ELP4: variants seen among roughly 807,000 people sequenced by gnomAD.
ELP4 encodes the protein elongator acetyltransferase complex subunit 4.
Under a neutral mutation model 48.9 loss-of-function variants are expected in ELP4, and 51 were observed. The observed-to-expected ratio is 1.04, with a 90% CI of 0.83 to 1.32. ELP4 has a LOEUF of 1.32. Among genes scored for constraint, ELP4 ranks in the 40% most tolerant of loss-of-function variants. ELP4 has a pLI of 0.00. For missense variants in ELP4, 519 were observed against 514.6 expected, an observed-to-expected ratio of 1.01 and a Z score of -0.08; for synonymous variants, 210 against 189.2, an observed-to-expected ratio of 1.11 and a Z score of -0.90.
chr11:31,692,525 G>T (rs554036885), intron 9 of ELP4, among the ~76,000 whole-genome samples: 1 of 152,152 alleles, frequency 6.6e-6, no homozygotes, highest in East Asian at 1.9e-4. Context: ...TTTTTCATTT[G>T]CAAGGGCACA....
chr11:31,732,424 T>G (rs1947211755), intron 9 of ELP4, among the ~76,000 whole-genome samples: 1 of 150,110 alleles, frequency 6.7e-6, no homozygotes, highest in Non-Finnish European at 1.5e-5. Context: ...GAAAATACCT[T>G]TAGAAGATAC....
At chr11:31,553,108 C>T (rs1033783798) in intron 3 of ELP4, among the ~76,000 whole-genome samples, 5 of 152,188 alleles carry the variant, frequency 3.3e-5, no homozygotes, top group Non-Finnish European at 7.3e-5. Context: ...TTCTCCATAA[C>T]CTTACTGTCA....
intron 4 of ELP4, chr11:31,598,986 C>T (rs1158982415): frequency 1.3e-5 from 2 of 152,124 alleles, no homozygotes; most frequent in Non-Finnish European, 2.9e-5. Context: ...TCTGTATCAT[C>T]TTCTTTCACA....
chr11:31,550,387 A>G (rs1030561220), intron 3 of ELP4, among the ~76,000 whole-genome samples: 1 of 152,160 alleles, frequency 6.6e-6, no homozygotes, highest in Non-Finnish European at 1.5e-5. Flanking sequence ...AGGGACTTCA[A>G]AAAGTTTGTG....
At chr11:31,681,890 A>G (rs1046070890) in intron 9 of ELP4, 25 of 283,488 alleles carry the variant, frequency 8.8e-5, no homozygotes, top group South Asian at 3.4e-4. Flanking sequence ...ACAGGCGCCC[A>G]CCACCACACC....
Position 31,789,230 on chromosome 11 carries a change from A to T in ELP4, c.*5706A>T. 4.7e-6 allele frequency: 1 copy of T among 212,016 alleles called. No individual in the cohort carries two copies. The highest frequency in any genetic ancestry group is 9.6e-6 in the Non-Finnish European group (1 of 104,624). 13.1% of individuals were successfully genotyped at this position (212,016 alleles called of 1,614,324 possible). On this transcript the variant is annotated 3_prime_UTR_variant, in exon 10 of 10. Coordinates refer to ENST00000640961, the MANE Select transcript of ELP4 (RefSeq NM_019040.5). ...TGAAATTAACTTTATTATAGAAATCATTCTGAGGATTTCTAGGGAAGACAA... is the reference window on the plus strand; with the variant it reads ...TGAAATTAACTTTATTATAGAAATCTTTCTGAGGATTTCTAGGGAAGACAA...
At chr11:31,709,562 A>G (rs181702255) in intron 9 of ELP4, among the ~76,000 whole-genome samples, 184 of 152,280 alleles carry the variant, frequency 1.2e-3, no homozygotes, top group African/African-American at 4.3e-3. Context: ...ACACCTCAGT[A>G]TCTGCGGACT....
chr11:31,721,756 GA>G (rs908647975), intron 9 of ELP4, among the ~76,000 whole-genome samples: 1 of 151,940 alleles, frequency 6.6e-6, no homozygotes, highest in Non-Finnish European at 1.5e-5. Context: ...ATATTGAACT[GA>G]AAAAAACAAA....
intron 5 of ELP4, among the ~76,000 whole-genome samples, chr11:31,607,340 T>C (rs2134007427): frequency 6.6e-6 from 1 of 152,328 alleles, no homozygotes; most frequent in South Asian, 2.1e-4. Context: ...GAACTTTCTA[T>C]CCTCCAGATC....
intron 9 of ELP4, among the ~76,000 whole-genome samples, chr11:31,735,403 G>A (rs1380482102): frequency 6.6e-6 from 1 of 152,154 alleles, no homozygotes; most frequent in Non-Finnish European, 1.5e-5. Flanking sequence ...CATTCCCTTT[G>A]AAAGCTGGCA....
chr11:31,778,724 G>A (rs1236082443), intron 9 of ELP4, among the ~76,000 whole-genome samples: 1 of 152,184 alleles, frequency 6.6e-6, no homozygotes, highest in Admixed American at 6.6e-5. Context: ...GAATGACAGA[G>A]GCAGGTATCA....
chr11:31,560,701 T>C (rs1365694591), intron 3 of ELP4, among the ~76,000 whole-genome samples: 2 of 147,470 alleles, frequency 1.4e-5, no homozygotes, highest in East Asian at 2.0e-4. Flanking sequence ...TATATATATA[T>C]AAAACAACGT....
At chr11:31,659,998 C>T (rs1163353239) in intron 9 of ELP4, among the ~76,000 whole-genome samples, 5 of 152,020 alleles carry the variant, frequency 3.3e-5, no homozygotes, top group Admixed American at 6.6e-5. Context: ...TCTCAAAAAA[C>T]AAATATCAAT....
At chr11:31,633,992 A>G (rs979979305) in intron 7 of ELP4, 5 of 152,022 alleles carry the variant, frequency 3.3e-5, no homozygotes, top group African/African-American at 1.2e-4. Flanking sequence ...GGCTTCACTA[A>G]TCATCACAAA....
At chr11:31,746,569 TGA>T (rs1947596788) in intron 9 of ELP4, among the ~76,000 whole-genome samples, 1 of 152,170 alleles carries the variant, frequency 6.6e-6, no homozygotes, top group Non-Finnish European at 1.5e-5. Flanking sequence ...TAAAAAATGA[TGA>T]GTTCATGTCC....
chr11:31,531,490 T>G (rs756787325), intron 2 of ELP4, among the ~76,000 whole-genome samples: 3 of 152,224 alleles, frequency 2.0e-5, no homozygotes, highest in Non-Finnish European at 4.4e-5. Context: ...GTAAAGCTTC[T>G]TAATAATGGT....
chr11:31,638,497 A>G (rs532824154), intron 7 of ELP4, among the ~76,000 whole-genome samples: 1 of 151,974 alleles, frequency 6.6e-6, no homozygotes, highest in South Asian at 2.1e-4. Context: ...CATTGAAGAA[A>G]ACTATTACCA....
At chr11:31,588,754 G>A (rs1469609853) in intron 3 of ELP4, among the ~76,000 whole-genome samples, 8 of 152,216 alleles carry the variant, frequency 5.3e-5, no homozygotes, top group African/African-American at 1.7e-4. Flanking sequence ...AGGCTAAGGC[G>A]GGCAGATCAC....
At chr11:31,539,333 C>A (rs1956555693) in intron 2 of ELP4, among the ~76,000 whole-genome samples, 1 of 152,150 alleles carries the variant, frequency 6.6e-6, no homozygotes, top group South Asian at 2.1e-4. Flanking sequence ...GGCCTGGTGG[C>A]AGGCGCCTGC....
Sources: allele counts gnomAD v4.1 joint callset (sites outside exome capture counted in the v4.1 genomes callset), GRCh38; gene constraint gnomAD v4.1.1; transcripts MANE v1.5; gene names NCBI Gene and HGNC (gene_info 2026-07-23, HGNC 2026-07-21).